The following GAK variants were observed in gnomAD, a reference collection of about 807,000 sequenced individuals.
GAK encodes cyclin G associated kinase.
A neutral mutation model predicts 143.9 loss-of-function variants in GAK; 79 were observed. The observed-to-expected ratio is 0.55, with a 90% CI of 0.46 to 0.66. GAK has a LOEUF of 0.66. Among genes scored for constraint, GAK ranks in the 30% least tolerant of loss-of-function variants. The pLI is 0.00. For missense variants in GAK, 1,693 were observed against 1,779.7 expected (o/e 0.95, Z 0.88); for synonymous variants, 881 against 765.5 (o/e 1.15, Z -2.49).
chr4:911,489 C>T (rs919049696), intron 4 of GAK, among the ~76,000 whole-genome samples, 184 bp downstream of exon 4: 1 of 152,252 alleles, frequency 6.6e-6, no homozygotes, highest in Non-Finnish European at 1.5e-5. Context: ...GGGAAGCTCA[C>T]TGGGCGTCAG....
intron 4 of GAK, among the ~76,000 whole-genome samples, chr4:909,561 C>T (rs1442717102): frequency 6.6e-6 from 1 of 151,966 alleles, no homozygotes; most frequent in African/African-American, 2.4e-5. Context: ...ACGGGAAGGG[C>T]CCAGCACGGA....
chr4:866,531 T>C lies in GAK; in HGVS notation c.2876A>G (p.Asp959Gly). Residue 959 changes from aspartate to glycine, a missense_variant, in exon 22 of 28, where the codon GAC becomes GGC. Physicochemically the swap from Asp to Gly is moderately conservative, Grantham distance 94 (BLOSUM62 -1). Around this residue, in one of 2 missense-constraint regions of GAK, gnomAD observed 822 missense variants for 788.7 expected, o/e 1.04. Coordinates refer to ENST00000314167, the MANE Select transcript of GAK (RefSeq NM_005255.4). ...TPRGGPPAAA[D>G]PFGPLLPSSG... ...AGACGGCAGAAGCGGGCCAAAGGGGTCAGCTGTGGGGACAGGCGGGCATGG... is the reference window on the plus strand; with the variant it reads ...AGACGGCAGAAGCGGGCCAAAGGGGCCAGCTGTGGGGACAGGCGGGCATGG... 1 of 1,612,890 alleles carries C rather than the reference T, an allele frequency of 6.2e-7. No homozygotes were observed. Among genetic ancestry groups the C allele is most frequent in the Non-Finnish European group, 8.5e-7 (1 of 1,179,728 alleles).
chr4:861,566 C>T (rs2152724805), intron 23 of GAK, among the ~76,000 whole-genome samples: 1 of 152,158 alleles, frequency 6.6e-6, no homozygotes, highest in South Asian at 2.1e-4. Flanking sequence ...ACTCCAGCCA[C>T]AACAAGAGCA....
At chr4:865,479 G>A (rs1322729646) in intron 22 of GAK, among the ~76,000 whole-genome samples, 4 of 143,346 alleles carry the variant, frequency 2.8e-5, no homozygotes, top group Middle Eastern at 4.0e-3. Context: ...CGCAGGCCAG[G>A]CTGAGAACAA....
intron 25 of GAK, chr4:851,444 GC>G: frequency 9.7e-6 from 5 of 515,578 alleles, no homozygotes; most frequent in South Asian, 4.7e-5. Flanking sequence ...TCCACCTGCT[GC>G]CCCCGGGAAC....
At chr4:860,207 G>A (rs1488689289) in intron 23 of GAK, among the ~76,000 whole-genome samples, 2 of 151,834 alleles carry the variant, frequency 1.3e-5, no homozygotes, top group African/African-American at 2.4e-5. Context: ...TGGGAGGATC[G>A]CTCCAGCCCA....
intron 2 of GAK, 24 bp from the exon 3 acceptor site, chr4:912,818 A>C (rs774470885): frequency 3.7e-6 from 6 of 1,607,310 alleles, no homozygotes; most frequent in Non-Finnish European, 5.1e-6. Flanking sequence ...CAGCACACAC[A>C]AAAGATGAAA....
intron 24 of GAK, among the ~76,000 whole-genome samples, chr4:854,849 T>G (rs565431746): frequency 1.3e-5 from 2 of 152,202 alleles, no homozygotes; most frequent in Non-Finnish European, 2.9e-5. Flanking sequence ...ATCAAGACCA[T>G]CCTGACTAAC....
At chr4:921,403 G>C (rs898516720) in intron 1 of GAK, among the ~76,000 whole-genome samples, 1 of 152,186 alleles carries the variant, frequency 6.6e-6, no homozygotes, top group Non-Finnish European at 1.5e-5. Flanking sequence ...CCATCGAGAT[G>C]ATTTCTGAGG....
chr4:867,112 T>G lies in GAK; in HGVS notation c.2716A>C (p.Ser906Arg). The G allele has an allele frequency of 6.3e-7, 1 of 1,576,254 alleles. No individual in the cohort carries two copies. The highest frequency in any genetic ancestry group is 8.6e-7 in the Non-Finnish European group (1 of 1,158,172). The change falls in exon 21 of 28, where the codon AGC (serine) becomes CGC (arginine). Residue 906 changes from serine (S) to arginine (R), a missense_variant. Transcript: ENST00000314167. ...VPPQACKAPS[S>R]NTDLLSCLLG... Reference sequence around the variant, plus strand: ...AGGCAGCTGAGCAGGTCGGTGTTGCTGGAGGGGGCCTTGCAGGCCTGCGGG... The same window carrying G: ...AGGCAGCTGAGCAGGTCGGTGTTGCGGGAGGGGGCCTTGCAGGCCTGCGGG...
intron 15 of GAK, among the ~76,000 whole-genome samples, chr4:879,300 C>A (rs1028737021): frequency 1.3e-5 from 2 of 152,206 alleles, no homozygotes; most frequent in Non-Finnish European, 2.9e-5. Context: ...TATGGCAATG[C>A]CTGTCTTTTA....
chr4:862,609 G>A lies in GAK; in HGVS notation c.3166+2513C>T, dbSNP rs577854538. ...GGAGGCGGAGCTTGCAGTGAGCCAA[G>A]ATCACACCACTGCACTCCAGCCTGG... On this transcript the variant is annotated intron_variant, in intron 23 of 27. Coordinates refer to ENST00000314167, the MANE Select transcript of GAK (RefSeq NM_005255.4). 3.3e-5 allele frequency among the ~76,000 whole-genome samples: 5 copies of A among 150,786 alleles called. No homozygotes were observed. In the South Asian group the frequency reaches 1.0e-3, roughly 31 times the overall value.
intron 23 of GAK, among the ~76,000 whole-genome samples, chr4:864,758 C>G (rs1008585255): frequency 6.6e-6 from 1 of 152,140 alleles, no homozygotes; most frequent in Non-Finnish European, 1.5e-5. Flanking sequence ...GAGGGAAGAG[C>G]CACGGGGTGC....
intron 9 of GAK, 125 bp from the exon 10 acceptor site, chr4:890,747 T>C (rs2152847235): frequency 1.4e-6 from 1 of 700,532 alleles, no homozygotes; most frequent in Non-Finnish European, 2.4e-6. Flanking sequence ...TATGACACAG[T>C]GCAAGGGAGG....
At chr4:859,025 T>G (rs1350715180) in intron 24 of GAK, among the ~76,000 whole-genome samples, 4 of 152,204 alleles carry the variant, frequency 2.6e-5, no homozygotes, top group African/African-American at 9.7e-5. Flanking sequence ...CCGCCGACGC[T>G]TCTTCTGAGA....
At chr4:893,707 C>A (rs1259538893) in intron 8 of GAK, among the ~76,000 whole-genome samples, 167 bp downstream of exon 8, 1 of 129,126 alleles carries the variant, frequency 7.7e-6, no homozygotes, top group Non-Finnish European at 1.7e-5. Context: ...GGGTGGGCGG[C>A]AGGGGAGCTC....
At chr4:863,988 G>A (rs1166711852) in intron 23 of GAK, among the ~76,000 whole-genome samples, 2 of 152,088 alleles carry the variant, frequency 1.3e-5, no homozygotes, top group Non-Finnish European at 2.9e-5. Flanking sequence ...GCACCACTGC[G>A]CTCCACAGCC....
chr4:862,634 G>A (rs887882967), intron 23 of GAK, among the ~76,000 whole-genome samples: 1 of 151,716 alleles, frequency 6.6e-6, no homozygotes, highest in Non-Finnish European at 1.5e-5. Flanking sequence ...CTCCAGCCTG[G>A]GCGACAAAGA....
At chr4:924,674 G>C (rs2152973053) in intron 1 of GAK, among the ~76,000 whole-genome samples, 1 of 152,350 alleles carries the variant, frequency 6.6e-6, no homozygotes, top group Non-Finnish European at 1.5e-5. Flanking sequence ...GGCCTGGTGG[G>C]AGGTGACCGG....
Sources: allele counts gnomAD v4.1 joint callset (sites outside exome capture counted in the v4.1 genomes callset), GRCh38; gene constraint gnomAD v4.1.1; regional missense constraint gnomAD v4.1.1; transcripts MANE v1.5; gene names NCBI Gene and HGNC (gene_info 2026-07-23, HGNC 2026-07-21).